The following PTPRD variants were observed in gnomAD, a reference collection of about 807,000 sequenced individuals.
PTPRD encodes protein tyrosine phosphatase receptor type D, also known as receptor-type tyrosine-protein phosphatase delta.
A neutral mutation model predicts 214.5 loss-of-function variants in PTPRD; 34 were observed. The ratio of observed to expected loss-of-function variants is 0.16; its 90% CI spans 0.12 to 0.21. PTPRD has a LOEUF of 0.21. Ranked by LOEUF, PTPRD falls within the 10% of genes least tolerant of loss-of-function variation. The pLI, the probability that PTPRD is intolerant of heterozygous loss-of-function variation, is 1.00. For synonymous variants in PTPRD, 1,128 were observed against 845.7 expected, an observed-to-expected ratio of 1.33 and a Z score of -5.79; for missense variants, 2,545 against 2,398.7, an observed-to-expected ratio of 1.06 and a Z score of -1.27.
chr9:8,836,328 G>C (rs1303410802), intron 11 of PTPRD, among the ~76,000 whole-genome samples: 1 of 152,076 alleles, frequency 6.6e-6, no homozygotes, highest in Non-Finnish European at 1.5e-5. Flanking sequence ...CAAAGAAAGA[G>C]AGCCCTTGGC....
chr9:10,362,363 G>C (rs751336664), intron 2 of PTPRD, among the ~76,000 whole-genome samples: 1 of 147,056 alleles, frequency 6.8e-6, no homozygotes, highest in African/African-American at 2.5e-5. Flanking sequence ...TTTCAGATGA[G>C]AGAATTGAGG....
At chr9:9,824,926 G>T (rs1008432474) in intron 5 of PTPRD, among the ~76,000 whole-genome samples, 25 of 151,942 alleles carry the variant, frequency 1.6e-4, no homozygotes, top group African/African-American at 5.3e-4. Context: ...TATAAAGTGG[G>T]CTCTGGTACC....
At chr9:8,527,271 T>A in intron 16 of PTPRD, 74 bp downstream of exon 16, 2 of 1,482,368 alleles carry the variant, frequency 1.3e-6, no homozygotes, top group Non-Finnish European at 1.9e-6. Context: ...CCATGCATTT[T>A]ATTAATAATA....
chr9:10,608,770 T>G (rs1444612936), intron 2 of PTPRD, among the ~76,000 whole-genome samples: 3 of 152,100 alleles, frequency 2.0e-5, no homozygotes, highest in African/African-American at 7.2e-5. Flanking sequence ...TAATGTTCAT[T>G]TTTTGATTCT....
At chr9:9,824,249 C>A (rs142135250) in intron 5 of PTPRD, among the ~76,000 whole-genome samples, 138 of 151,918 alleles carry the variant, frequency 9.1e-4, no homozygotes, top group African/African-American at 3.3e-3. Flanking sequence ...AATACTCAAC[C>A]TGCATCTTTA....
chr9:10,017,829 T>C (rs2096754378), intron 4 of PTPRD, among the ~76,000 whole-genome samples: 1 of 152,202 alleles, frequency 6.6e-6, no homozygotes, highest in African/African-American at 2.4e-5. Context: ...TTGATGAAAC[T>C]TTCCCCAATT....
chr9:9,380,608 GTCTA>G (rs1167536442), intron 9 of PTPRD, among the ~76,000 whole-genome samples: 2 of 152,092 alleles, frequency 1.3e-5, no homozygotes, highest in Non-Finnish European at 2.9e-5. Flanking sequence ...TTAGAATGTG[GTCTA>G]TCTTAGTAAA....
intron 9 of PTPRD, among the ~76,000 whole-genome samples, chr9:9,236,305 C>G (rs970341185): frequency 1.3e-5 from 2 of 152,012 alleles, no homozygotes; most frequent in Non-Finnish European, 2.9e-5. Flanking sequence ...TGAGAGAGCT[C>G]TCATCCCAAA....
At chr9:8,991,046 C>T (rs2099364434) in intron 11 of PTPRD, among the ~76,000 whole-genome samples, 1 of 148,550 alleles carries the variant, frequency 6.7e-6, no homozygotes, top group South Asian at 2.1e-4. Flanking sequence ...GAAACCTCAT[C>T]TCTACCAAAA....
chr9:9,263,399 A>G (rs2099980991), intron 9 of PTPRD, among the ~76,000 whole-genome samples: 1 of 151,708 alleles, frequency 6.6e-6, no homozygotes, highest in Non-Finnish European at 1.5e-5. Flanking sequence ...CTGAATGACT[A>G]TAAATGAACG....
intron 3 of PTPRD, among the ~76,000 whole-genome samples, chr9:10,099,830 T>TC (rs1394464538): frequency 1.3e-5 from 2 of 151,198 alleles, no homozygotes; most frequent in Non-Finnish European, 3.0e-5. Context: ...ATTAGAAATT[T>TC]AAAAAAAAGA....
chr9:8,590,897 C>G (rs2094047147), intron 14 of PTPRD, among the ~76,000 whole-genome samples: 1 of 152,020 alleles, frequency 6.6e-6, no homozygotes. Flanking sequence ...GTCAGAAGTC[C>G]CATATGAGTT....
At chr9:9,981,301 A>C (rs905485670) in intron 4 of PTPRD, among the ~76,000 whole-genome samples, 3 of 151,838 alleles carry the variant, frequency 2.0e-5, no homozygotes, top group African/African-American at 7.2e-5. Context: ...GCTGAACAAC[A>C]TGTATGGCCA....
At chr9:8,896,398 G>C (rs2098611107) in intron 11 of PTPRD, among the ~76,000 whole-genome samples, 2 of 152,070 alleles carry the variant, frequency 1.3e-5, no homozygotes, top group African/African-American at 4.8e-5. Flanking sequence ...TTGTTCATTT[G>C]CTGAAACTAA....
At chr9:8,391,616 T>C (rs1050530384) in intron 36 of PTPRD, among the ~76,000 whole-genome samples, 4 of 152,186 alleles carry the variant, frequency 2.6e-5, no homozygotes, top group Admixed American at 6.6e-5. Context: ...AAAACTTTAA[T>C]TTAGCAGTTA....
Position 8,738,322 on chromosome 9 carries a change from T to A in PTPRD, c.-103-4376A>T, listed in dbSNP as rs144209805. ...TTGTAACACTTTTCTGTAATAAGTA[T>A]ATTCATATTCAAACCAATATGAATG... On this transcript the variant is annotated intron_variant, in intron 11 of 45. Transcript: ENST00000381196. Among the ~76,000 whole-genome samples, 1,251 of 152,336 alleles carry A rather than the reference T, an allele frequency of 8.2e-3. 11 individuals are homozygous for A. Among genetic ancestry groups the A allele is most frequent in the Non-Finnish European group, 0.013 (862 of 68,024 alleles).
chr9:9,259,157 T>C (rs541546959), intron 9 of PTPRD, among the ~76,000 whole-genome samples: 2 of 151,956 alleles, frequency 1.3e-5, no homozygotes, highest in African/African-American at 4.8e-5. Context: ...ATCAGGGACA[T>C]GAAAATAGCT....
Position 10,452,075 on chromosome 9 carries a change from T to A in PTPRD, c.-599-111058A>T, listed in dbSNP as rs533335382. Among the ~76,000 whole-genome samples, 23 of 152,090 alleles carry A rather than the reference T, an allele frequency of 1.5e-4. No individual in the cohort carries two copies. In the South Asian group the frequency reaches 4.6e-3, roughly 30 times the overall value. The stretch of plus-strand genomic sequence containing the variant: ...TTTACAGTTTCATCAGTGAGACTAG[T>A]AGAAGAAGCTTCAAGTTCAAGAGCA... On this transcript the variant is annotated intron_variant, in intron 2 of 45. Transcript: ENST00000381196.
At chr9:8,851,151 C>G (rs1437022488) in intron 11 of PTPRD, among the ~76,000 whole-genome samples, 2 of 151,228 alleles carry the variant, frequency 1.3e-5, no homozygotes, top group African/African-American at 4.9e-5. Context: ...GGAAGGACAG[C>G]TGCACTGGGC....
Sources: allele counts gnomAD v4.1 joint callset (sites outside exome capture counted in the v4.1 genomes callset), GRCh38; gene constraint gnomAD v4.1.1; transcripts MANE v1.5; gene names NCBI Gene and HGNC (gene_info 2026-07-23, HGNC 2026-07-21).